The following TMPRSS7 variants were observed in gnomAD, a reference collection of about 807,000 sequenced individuals.
TMPRSS7 encodes the protein transmembrane serine protease 7.
In TMPRSS7, 81 loss-of-function variants were observed where a neutral mutation model predicts 95.6. The ratio of observed to expected loss-of-function variants is 0.85; its 90% CI spans 0.71 to 1.02. The LOEUF is 1.02. TMPRSS7 is among the 50% of genes least tolerant of loss of function. TMPRSS7 has a pLI of 0.00. For synonymous variants in TMPRSS7, 364 were observed against 337.8 expected, an observed-to-expected ratio of 1.08 and a Z score of -0.85; for missense variants, 945 against 955.2, an observed-to-expected ratio of 0.99 and a Z score of 0.14.
At chr3:112,065,458 T>A (rs2073564570) in intron 12 of TMPRSS7, among the ~76,000 whole-genome samples, 1 of 152,260 alleles carries the variant, frequency 6.6e-6, no homozygotes, top group Non-Finnish European at 1.5e-5. Flanking sequence ...CTGATCATTA[T>A]ATAATGACTG....
intron 13 of TMPRSS7, among the ~76,000 whole-genome samples, chr3:112,071,190 C>G (rs2073641906): frequency 6.6e-6 from 1 of 152,172 alleles, no homozygotes; most frequent in Non-Finnish European, 1.5e-5. Flanking sequence ...GATTTTATTT[C>G]TCCTTCACTT....
chr3:112,037,537 G>A (rs1475921425), intron 1 of TMPRSS7, among the ~76,000 whole-genome samples: 1 of 152,152 alleles, frequency 6.6e-6, no homozygotes, highest in Admixed American at 6.5e-5. Context: ...CCCTGACCTT[G>A]TGATCTTGCT....
chr3:112,077,990 C>T (rs73856348), intron 16 of TMPRSS7, among the ~76,000 whole-genome samples: 3,852 of 152,238 alleles, frequency 0.025, 162 homozygotes, highest in African/African-American at 0.086. Flanking sequence ...TGAACCTTGC[C>T]CTGTAGCCTC....
At chr3:112,079,037 G>A (rs2073748143) in intron 17 of TMPRSS7, among the ~76,000 whole-genome samples, 159 bp downstream of exon 17, 1 of 152,180 alleles carries the variant, frequency 6.6e-6, no homozygotes, top group Non-Finnish European at 1.5e-5. Context: ...CTAAGATCTT[G>A]GAGAGGTGTT....
intron 16 of TMPRSS7, among the ~76,000 whole-genome samples, chr3:112,077,645 A>G (rs2073728452): frequency 6.6e-6 from 1 of 152,090 alleles, no homozygotes; most frequent in South Asian, 2.1e-4. Flanking sequence ...TCCAGACCAG[A>G]AACTCAGGCC....
chr3:112,057,048 A>T lies in TMPRSS7; in HGVS notation c.1227A>T (p.Ile409=), dbSNP rs761546155. 10 of 1,611,534 alleles carry T rather than the reference A, an allele frequency of 6.2e-6. No individual in the cohort carries two copies. In the South Asian group the frequency reaches 1.0e-4, roughly 16 times the overall value. ...AGACTTCTCTATCAACTCTTGGCATAGCACTGAAATTCTATAACTATTCAA... is the reference window on the plus strand; with the variant it reads ...AGACTTCTCTATCAACTCTTGGCATTGCACTGAAATTCTATAACTATTCAA... The change falls in exon 10 of 18, where the codon ATA becomes ATT. Residue 409 remains isoleucine, a synonymous_variant. Transcript: ENST00000452346.
chr3:112,063,408 A>G, intron 11 of TMPRSS7, 117 bp from the exon 12 acceptor site: 1 of 731,356 alleles, frequency 1.4e-6, no homozygotes, highest in Non-Finnish European at 2.4e-6. Context: ...CTATGTAATT[A>G]TTACTGCTAC....
rs577064314 is a variant in TMPRSS7 at position 112,076,072 on chromosome 3, T to C, written c.1955+580T>C. 5.3e-5 allele frequency among the ~76,000 whole-genome samples: 8 copies of C among 152,376 alleles called. No individual in the cohort carries two copies. The East Asian group carries it at 1.2e-3, about 22-fold the overall frequency. On this transcript the variant is annotated intron_variant, in intron 15 of 17. Coordinates refer to ENST00000452346, the Ensembl canonical transcript of TMPRSS7. ...AGATAGCTTCACATCTGTTTGATCA[T>C]GAGTCTCTAATGCTGTGAAACTGCT...
chr3:112,058,602 G>A (rs1043247052), intron 10 of TMPRSS7, among the ~76,000 whole-genome samples: 8 of 152,086 alleles, frequency 5.3e-5, no homozygotes, highest in Non-Finnish European at 1.2e-4. Flanking sequence ...TATAGAACGT[G>A]CCCCCAAGGC....
At position 112,057,011 on chromosome 3, in the gene TMPRSS7, G is replaced by A. The variant is rs1367453136; in HGVS notation, c.1204-14G>A. On this transcript the variant is annotated splice_polypyrimidine_tract_variant and intron_variant, in intron 9 of 17. Coordinates refer to ENST00000452346, the Ensembl canonical transcript of TMPRSS7. The stretch of plus-strand genomic sequence containing the variant: ...TTGAAGCATTTTTTTCTGACTTAAT[G>A]TTTATTTTCACAGACTTCTCTATCA... 1.3e-6 allele frequency: 2 copies of A among 1,557,036 alleles called. No individual in the cohort carries two copies. The highest frequency in any genetic ancestry group is 1.8e-6 in the Non-Finnish European group (2 of 1,136,150).
At chr3:112,080,952 T>G (rs1207413820) in exon 18 of TMPRSS7, 2 of 1,613,558 alleles carry the variant, frequency 1.2e-6, no homozygotes, top group Non-Finnish European at 1.7e-6. Flanking sequence ...GAAGAAAAAG[T>G]GATGGAAAAT....
At chr3:112,078,758 C>G in exon 17 of TMPRSS7, 1 of 1,614,180 alleles carries the variant, frequency 6.2e-7, no homozygotes, top group Non-Finnish European at 8.5e-7. Context: ...AAGGCTCCCT[C>G]GTTCTGCAGC....
chr3:112,037,142 G>A (rs992342183), intron 1 of TMPRSS7, among the ~76,000 whole-genome samples: 2 of 152,340 alleles, frequency 1.3e-5, no homozygotes, highest in East Asian at 1.9e-4. Flanking sequence ...CAGGGAACAA[G>A]GGAGATAACC....
At chr3:112,055,765 A>G (rs982752718) in intron 9 of TMPRSS7, among the ~76,000 whole-genome samples, 1 of 152,258 alleles carries the variant, frequency 6.6e-6, no homozygotes, top group African/African-American at 2.4e-5. Flanking sequence ...CTGATTTACA[A>G]GTACCAGACA....
chr3:112,076,016 C>T (rs990556963), intron 15 of TMPRSS7, among the ~76,000 whole-genome samples: 1 of 151,910 alleles, frequency 6.6e-6, no homozygotes, highest in South Asian at 2.1e-4. Context: ...ATTTGTTTCC[C>T]TGAAAATTAT....
At chr3:112,074,095 C>T (rs73856340) in intron 13 of TMPRSS7, among the ~76,000 whole-genome samples, 4,565 of 152,288 alleles carry the variant, frequency 0.03, 191 homozygotes, top group African/African-American at 0.088. Context: ...TGCCTGCCAG[C>T]GTTCAAATGG....
At chr3:112,059,624 G>C (rs576540505) in intron 10 of TMPRSS7, among the ~76,000 whole-genome samples, 3 of 152,336 alleles carry the variant, frequency 2.0e-5, no homozygotes, top group East Asian at 3.9e-4. Context: ...GACTCCAAAA[G>C]TTTGGCATGG....
At chr3:112,074,938 T>C (rs6771530) in intron 14 of TMPRSS7, among the ~76,000 whole-genome samples, 3,885 of 152,350 alleles carry the variant, frequency 0.026, 164 homozygotes, top group African/African-American at 0.087. Context: ...TTTTCATTTG[T>C]CCAGGTCTTA....
chr3:112,068,234 A>G (rs954957934), intron 13 of TMPRSS7, among the ~76,000 whole-genome samples: 5 of 152,284 alleles, frequency 3.3e-5, no homozygotes, highest in Admixed American at 6.5e-5. Context: ...GTAGCCTTGT[A>G]GTATAATTTG....
Sources: gnomAD v4.1 joint callset for allele counts (sites outside exome capture counted in the v4.1 genomes callset) on GRCh38, gnomAD v4.1.1 for gene constraint, MANE v1.5 for transcripts, NCBI Gene and HGNC (gene_info 2026-07-23, HGNC 2026-07-21) for gene names.